The following TMEM132D variants were observed in gnomAD, a reference collection of about 807,000 sequenced individuals.
TMEM132D encodes the protein transmembrane protein 132D, also known as mature OL transmembrane protein.
In TMEM132D, 21 loss-of-function variants were observed where a neutral mutation model predicts 62.3. The observed-to-expected ratio is 0.34, with a 90% CI of 0.24 to 0.49. The LOEUF is 0.49. Ranked by LOEUF, TMEM132D falls within the 20% of genes least tolerant of loss-of-function variation. The probability of loss-of-function intolerance (pLI) is 0.99; values close to 1 mark genes in which losing one functional copy is unlikely to be tolerated. For missense variants in TMEM132D, 1,346 were observed against 1,402.8 expected, an observed-to-expected ratio of 0.96 and a Z score of 0.65; for synonymous variants, 621 against 575.6, an observed-to-expected ratio of 1.08 and a Z score of -1.13.
chr12:129,431,337 T>A (rs1338795002), intron 3 of TMEM132D, among the ~76,000 whole-genome samples: 3 of 152,192 alleles, frequency 2.0e-5, no homozygotes, highest in African/African-American at 7.2e-5. Context: ...CTGCTTCAGA[T>A]TTTCCAGAAG....
chr12:129,482,031 G>A (rs1410287513), intron 3 of TMEM132D, among the ~76,000 whole-genome samples: 3 of 152,192 alleles, frequency 2.0e-5, no homozygotes, highest in African/African-American at 7.2e-5. Flanking sequence ...TAGGAACACA[G>A]AGCCAGTCAT....
At chr12:129,621,941 G>T (rs1018529628) in intron 2 of TMEM132D, among the ~76,000 whole-genome samples, 7 of 152,050 alleles carry the variant, frequency 4.6e-5, no homozygotes, top group Non-Finnish European at 7.4e-5. Flanking sequence ...TTACGTCTAT[G>T]CTATGGTCTG....
At chr12:129,149,577 C>A (rs529902321) in intron 5 of TMEM132D, among the ~76,000 whole-genome samples, 7 of 152,292 alleles carry the variant, frequency 4.6e-5, no homozygotes, top group Admixed American at 6.5e-5. Flanking sequence ...CCAGTGTGTG[C>A]GGCACCTCTC....
At chr12:129,734,402 A>G (rs955215260) in intron 1 of TMEM132D, among the ~76,000 whole-genome samples, 1 of 152,210 alleles carries the variant, frequency 6.6e-6, no homozygotes, top group African/African-American at 2.4e-5. Context: ...TCCTCAGTGA[A>G]GTACTTTTTT....
chr12:129,332,433 T>G (rs1400395517), intron 4 of TMEM132D, among the ~76,000 whole-genome samples: 1 of 152,170 alleles, frequency 6.6e-6, no homozygotes, highest in Admixed American at 6.5e-5. Context: ...TGGCGGCATC[T>G]CATCCCAGAG....
chr12:129,523,176 CAGAT>C (rs1351511755), intron 3 of TMEM132D, among the ~76,000 whole-genome samples: 2 of 152,134 alleles, frequency 1.3e-5, no homozygotes, highest in African/African-American at 2.4e-5. Flanking sequence ...TACATGAAGA[CAGAT>C]AGTAGCACAT....
intron 5 of TMEM132D, among the ~76,000 whole-genome samples, chr12:129,158,986 C>T (rs1174096560): frequency 6.6e-6 from 1 of 152,172 alleles, no homozygotes; most frequent in African/African-American, 2.4e-5. Context: ...TGCACTATCA[C>T]AAGAATGCAT....
intron 5 of TMEM132D, among the ~76,000 whole-genome samples, chr12:129,099,515 C>T (rs1222092856): frequency 6.6e-6 from 1 of 152,204 alleles, no homozygotes; most frequent in African/African-American, 2.4e-5. Flanking sequence ...CTCACAGAAG[C>T]CAGCCTCTGT....
chr12:129,236,656 G>A (rs974012278), intron 4 of TMEM132D, among the ~76,000 whole-genome samples: 5 of 151,818 alleles, frequency 3.3e-5, no homozygotes, highest in Non-Finnish European at 7.4e-5. Flanking sequence ...CTATATATAA[G>A]GTCATGTCAT....
At chr12:129,733,958 G>A (rs778936435) in intron 1 of TMEM132D, among the ~76,000 whole-genome samples, 9 of 152,126 alleles carry the variant, frequency 5.9e-5, no homozygotes, top group Admixed American at 1.3e-4. Flanking sequence ...TCTTCCTTCC[G>A]TTGCAAGGTA....
intron 1 of TMEM132D, among the ~76,000 whole-genome samples, chr12:129,743,840 C>G (rs372492365): frequency 2.6e-4 from 39 of 152,302 alleles, no homozygotes; most frequent in African/African-American, 7.7e-4. Flanking sequence ...GGAACAGGAG[C>G]AGCCTCTAGA....
At position 129,297,558 on chromosome 12, in the gene TMEM132D, C is replaced by A. The variant is rs145168060; in HGVS notation, c.1299+40076G>T. Among the ~76,000 whole-genome samples the A allele has an allele frequency of 1.3e-4, 20 of 152,318 alleles. No individual in the cohort carries two copies. In the East Asian group the frequency reaches 3.9e-3, roughly 29 times the overall value. Reference sequence around the variant, plus strand: ...GTTAGTAAGAATTGGCTTCAAAGCACCCCAGGCTCTGTGGCTTTCCTTTCC... The same window carrying A: ...GTTAGTAAGAATTGGCTTCAAAGCAACCCAGGCTCTGTGGCTTTCCTTTCC... On this transcript the variant is annotated intron_variant, in intron 4 of 8. Coordinates refer to ENST00000422113, the MANE Select transcript of TMEM132D (RefSeq NM_133448.3).
chr12:129,369,885 T>C (rs1870540288), intron 3 of TMEM132D, among the ~76,000 whole-genome samples: 1 of 152,196 alleles, frequency 6.6e-6, no homozygotes, highest in Non-Finnish European at 1.5e-5. Context: ...TTGTCACACA[T>C]ATAAGGATAT....
At chr12:129,669,305 C>T (rs1023205941) in intron 2 of TMEM132D, among the ~76,000 whole-genome samples, 4 of 152,044 alleles carry the variant, frequency 2.6e-5, no homozygotes, top group Non-Finnish European at 4.4e-5. Context: ...TTTAGTACAC[C>T]GTTGTTAGCT....
intron 3 of TMEM132D, among the ~76,000 whole-genome samples, chr12:129,434,300 C>T (rs972037390): frequency 4.6e-5 from 7 of 152,046 alleles, no homozygotes; most frequent in East Asian, 1.9e-4. Context: ...CATCAGGTAA[C>T]GGATGAGAAC....
intron 4 of TMEM132D, among the ~76,000 whole-genome samples, chr12:129,237,385 T>C (rs1487230221): frequency 3.3e-5 from 5 of 152,262 alleles, no homozygotes; most frequent in African/African-American, 1.2e-4. Flanking sequence ...ATACATGCTG[T>C]AAATTTCTTT....
chr12:129,170,127 C>A (rs1877680288), intron 5 of TMEM132D: 1 of 152,242 alleles, frequency 6.6e-6, no homozygotes. Context: ...AACTCCCTTT[C>A]TCATCTAGAG....
chr12:129,098,336 CAACTGGGCACCAAAATTCGTAAG>C (rs1488941541), intron 5 of TMEM132D, among the ~76,000 whole-genome samples: 1 of 152,146 alleles, frequency 6.6e-6, no homozygotes, highest in Non-Finnish European at 1.5e-5. Context: ...GGTGCTGGAA[CAACTGGGCACCAAAATTCGTAAG>C]AATGATAGTG....
At chr12:129,103,908 A>G (rs996057436) in intron 5 of TMEM132D, among the ~76,000 whole-genome samples, 1 of 152,236 alleles carries the variant, frequency 6.6e-6, no homozygotes, top group Non-Finnish European at 1.5e-5. Context: ...AAACAAATGG[A>G]AGAACATTCC....
Sources: gnomAD v4.1 joint callset for allele counts (sites outside exome capture counted in the v4.1 genomes callset) on GRCh38, gnomAD v4.1.1 for gene constraint, MANE v1.5 for transcripts, NCBI Gene and HGNC (gene_info 2026-07-23, HGNC 2026-07-21) for gene names.